The following FER variants were observed in gnomAD, a reference collection of about 807,000 sequenced individuals.
FER encodes the protein FER tyrosine kinase.
In FER, 63 loss-of-function variants were observed where a neutral mutation model predicts 111.0. The observed-to-expected ratio is 0.57, with a 90% CI of 0.46 to 0.70. The LOEUF is 0.70. Among genes scored for constraint, FER ranks in the 30% least tolerant of loss-of-function variants. The probability of loss-of-function intolerance (pLI) is 0.00; values close to 1 mark genes in which losing one functional copy is unlikely to be tolerated. For synonymous variants in FER, 327 were observed against 313.9 expected, an observed-to-expected ratio of 1.04 and a Z score of -0.44; for missense variants, 914 against 954.0, an observed-to-expected ratio of 0.96 and a Z score of 0.55.
chr5:109,000,454 A>G (rs1359443364), intron 13 of FER, among the ~76,000 whole-genome samples: 1 of 152,140 alleles, frequency 6.6e-6, no homozygotes, highest in African/African-American at 2.4e-5. Flanking sequence ...TTTGAAACCA[A>G]CGAGAAAAAA....
intron 10 of FER, among the ~76,000 whole-genome samples, chr5:108,934,252 G>A (rs1459771556): frequency 6.6e-6 from 1 of 152,032 alleles, no homozygotes; most frequent in African/African-American, 2.4e-5. Context: ...TATCTTTTCT[G>A]TGCCTTAGTG....
At chr5:109,088,577 C>T (rs1041243933) in intron 16 of FER, among the ~76,000 whole-genome samples, 4 of 151,902 alleles carry the variant, frequency 2.6e-5, no homozygotes, top group Non-Finnish European at 1.5e-5. Flanking sequence ...CTGCTGATTG[C>T]AAAGATACAA....
At chr5:109,134,922 G>C (rs1429289246) in intron 17 of FER, among the ~76,000 whole-genome samples, 1 of 152,182 alleles carries the variant, frequency 6.6e-6, no homozygotes. Context: ...TTAAACAGCA[G>C]ATGTGTCTCC....
At chr5:108,761,244 A>G (rs930122401) in intron 1 of FER, among the ~76,000 whole-genome samples, 51 of 152,090 alleles carry the variant, frequency 3.4e-4, no homozygotes, top group African/African-American at 1.2e-3. Flanking sequence ...GGCTTTCAAC[A>G]TGCCTTCCTC....
intron 10 of FER, among the ~76,000 whole-genome samples, chr5:108,915,067 A>G (rs17161562): frequency 0.07 from 10,680 of 152,268 alleles, 402 homozygotes; most frequent in African/African-American, 0.11. Flanking sequence ...GTCAGTGAAC[A>G]AAGGACTAAG....
intron 10 of FER, among the ~76,000 whole-genome samples, chr5:108,945,205 G>A (rs970736555): frequency 3.9e-5 from 6 of 152,142 alleles, no homozygotes; most frequent in African/African-American, 1.4e-4. Flanking sequence ...CGGAATTAGT[G>A]TGCTTGACAA....
At chr5:108,933,253 CTTGAG>C (rs1305678474) in intron 10 of FER, among the ~76,000 whole-genome samples, 1 of 152,088 alleles carries the variant, frequency 6.6e-6, no homozygotes, top group African/African-American at 2.4e-5. Context: ...TTTAATCTAT[CTTGAG>C]TTAATTTTTT....
chr5:108,822,708 T>A (rs867906496), intron 3 of FER, among the ~76,000 whole-genome samples: 11 of 122,362 alleles, frequency 9.0e-5, no homozygotes, highest in Non-Finnish European at 1.4e-4. Context: ...AATTTTATTT[T>A]ATTTATTTTA....
intron 3 of FER, among the ~76,000 whole-genome samples, chr5:108,811,498 C>T (rs1457045254): frequency 6.6e-6 from 1 of 152,066 alleles, no homozygotes; most frequent in Non-Finnish European, 1.5e-5. Flanking sequence ...TGTGCAGTTG[C>T]TAAGAAGTAT....
At chr5:109,047,080 T>C (rs754429633) in intron 15 of FER, 24 bp from the exon 16 acceptor site, 1 of 1,181,922 alleles carries the variant, frequency 8.5e-7, no homozygotes, top group Non-Finnish European at 1.2e-6. Context: ...ATGATAACTA[T>C]TCGTATATTT....
At chr5:109,079,854 C>T (rs995681436) in intron 16 of FER, among the ~76,000 whole-genome samples, 6 of 152,114 alleles carry the variant, frequency 3.9e-5, no homozygotes, top group African/African-American at 1.2e-4. Context: ...CCACAGTTCT[C>T]TCCTAATCCT....
At chr5:109,182,858 T>C (rs983633627) in intron 18 of FER, among the ~76,000 whole-genome samples, 6 of 152,182 alleles carry the variant, frequency 3.9e-5, no homozygotes, top group Non-Finnish European at 5.9e-5. Context: ...TTTTTTTTAA[T>C]TGAGACAGGG....
rs150896240 is a variant in FER, at chr5:108,961,581, G to T, written c.1656+2234G>T. Reference sequence around the variant, plus strand: ...CGTTATATGTGATTTTTTATATGAGGTAGAAATTTAAAGTTTATCTGGGTA... The same window carrying T: ...CGTTATATGTGATTTTTTATATGAGTTAGAAATTTAAAGTTTATCTGGGTA... On this transcript the variant is annotated intron_variant, in intron 13 of 19. Coordinates refer to ENST00000281092, the MANE Select transcript of FER (RefSeq NM_005246.4). 4.3e-3 allele frequency among the ~76,000 whole-genome samples: 648 copies of T among 152,162 alleles called. 4 individuals carry two copies. The highest frequency in any genetic ancestry group is 0.015 in the African/African-American group (630 of 41,522).
chr5:108,918,572 C>T (rs957290274), intron 10 of FER, among the ~76,000 whole-genome samples: 3 of 151,226 alleles, frequency 2.0e-5, no homozygotes, highest in Non-Finnish European at 4.4e-5. Context: ...CTGCAAGCTC[C>T]GCCTCCCGGG....
At chr5:109,139,927 A>G (rs4957567) in intron 17 of FER, among the ~76,000 whole-genome samples, 31,749 of 152,152 alleles carry the variant, frequency 0.21, 3,441 homozygotes, top group African/African-American at 0.23. Flanking sequence ...GTATACTGCT[A>G]TCAATTACTG....
At chr5:108,797,859 C>G (rs948504961) in intron 2 of FER, among the ~76,000 whole-genome samples, 4 of 152,130 alleles carry the variant, frequency 2.6e-5, no homozygotes, top group African/African-American at 9.7e-5. Flanking sequence ...ATGTAATTTG[C>G]AAATTAAGAT....
At position 108,864,026 on chromosome 5, in the gene FER, G is replaced by T. The variant is rs1381724811; in HGVS notation, c.482-3741G>T. Among the ~76,000 whole-genome samples the T allele has an allele frequency of 3.3e-5, 5 of 152,124 alleles. No homozygotes were observed. In the East Asian group the frequency reaches 9.6e-4, roughly 29 times the overall value. On this transcript the variant is annotated intron_variant, in intron 5 of 19. Coordinates refer to ENST00000281092, the MANE Select transcript of FER (RefSeq NM_005246.4). Reference sequence around the variant, plus strand: ...AGTGACAGGGGTTAGAGATACTCAGGTGAAAAGATTATTTTCTTATTAAGA... The same window carrying T: ...AGTGACAGGGGTTAGAGATACTCAGTTGAAAAGATTATTTTCTTATTAAGA...
chr5:108,922,099 C>G (rs1753096940), intron 10 of FER, among the ~76,000 whole-genome samples: 1 of 152,124 alleles, frequency 6.6e-6, no homozygotes, highest in Non-Finnish European at 1.5e-5. Flanking sequence ...TATGCTATCA[C>G]AAGCAAAGGA....
chr5:108,858,933 C>T (rs1763260086), intron 5 of FER, among the ~76,000 whole-genome samples: 1 of 151,530 alleles, frequency 6.6e-6, no homozygotes, highest in African/African-American at 2.4e-5. Flanking sequence ...TATAAATAAC[C>T]TTATGTATGT....
Sources: allele counts gnomAD v4.1 joint callset (sites outside exome capture counted in the v4.1 genomes callset), GRCh38; gene constraint gnomAD v4.1.1; transcripts MANE v1.5; gene names NCBI Gene and HGNC (gene_info 2026-07-23, HGNC 2026-07-21).